CNTN4: variants seen among roughly 807,000 people sequenced by gnomAD.
CNTN4 encodes the protein contactin 4, also known as contactin-4.
A neutral mutation model predicts 122.5 loss-of-function variants in CNTN4; 77 were observed. The ratio of observed to expected loss-of-function variants is 0.63; its 90% confidence interval spans 0.52 to 0.76. The LOEUF (loss-of-function observed/expected upper bound fraction) is 0.76, where lower values mean the gene tolerates loss of function less well. Ranked by LOEUF, CNTN4 falls within the 30% of genes least tolerant of loss-of-function variation. The probability of loss-of-function intolerance (pLI) is 0.00; values close to 1 mark genes in which losing one functional copy is unlikely to be tolerated. For missense variants in CNTN4, 1,256 were observed against 1,259.1 expected (o/e 1.00, Z 0.04); for synonymous variants, 512 against 447.0 (o/e 1.15, Z -1.83).
In CNTN4 at chr3:2,879,218, G is replaced by T. The variant is rs569050628; in HGVS notation, c.653-3927G>T. ...CACACATACACAGAAAGAATGTCAC[G>T]TGACAACCGAGGCAGAGATGGACTG... On this transcript the variant is annotated intron_variant, in intron 8 of 24. Transcript: ENST00000418658. Among the ~76,000 whole-genome samples the T allele has an allele frequency of 3.9e-5, 6 of 152,236 alleles. No individual in the cohort carries two copies. In the South Asian group the frequency reaches 1.0e-3, roughly 26 times the overall value.
chr3:2,404,484 A>G lies in CNTN4; in HGVS notation c.-89+65251A>G, dbSNP rs189299873. On this transcript the variant is annotated intron_variant, in intron 3 of 24. Coordinates refer to ENST00000418658, the MANE Select transcript of CNTN4 (RefSeq NM_175607.3). Reference sequence around the variant, plus strand: ...CCTCTTCAAAGCCAGAAATGATGGTAGAGTTCTTCTCACATTCTCTCTGCT... The same window carrying G: ...CCTCTTCAAAGCCAGAAATGATGGTGGAGTTCTTCTCACATTCTCTCTGCT... Among the ~76,000 whole-genome samples, 406 of 152,242 alleles carry G rather than the reference A, an allele frequency of 2.7e-3. 4 individuals are homozygous for G. The highest frequency in any genetic ancestry group is 9.0e-3 in the African/African-American group (375 of 41,548).
chr3:2,538,115 A>G (rs1264199279), intron 3 of CNTN4, among the ~76,000 whole-genome samples: 3 of 152,104 alleles, frequency 2.0e-5, no homozygotes, highest in Non-Finnish European at 4.4e-5. Context: ...GTCCTTATAA[A>G]AGGGGGAAAT....
intron 2 of CNTN4, among the ~76,000 whole-genome samples, chr3:2,225,230 T>G (rs2149513185): frequency 6.6e-6 from 1 of 150,570 alleles, no homozygotes; most frequent in South Asian, 2.1e-4. Flanking sequence ...AAAACCCAGG[T>G]CCTGCCAGGC....
intron 2 of CNTN4, among the ~76,000 whole-genome samples, chr3:2,219,650 T>C (rs2038984570): frequency 6.6e-6 from 1 of 152,210 alleles, no homozygotes. Context: ...TAAAATATAA[T>C]AAAATAATGG....
intron 2 of CNTN4, among the ~76,000 whole-genome samples, chr3:2,266,279 T>C (rs781734070): frequency 2.0e-5 from 3 of 152,100 alleles, no homozygotes; most frequent in African/African-American, 4.8e-5. Context: ...ATGAGGGCTG[T>C]TGAATTTTAT....
intron 4 of CNTN4, among the ~76,000 whole-genome samples, chr3:2,664,403 C>A (rs78260134): frequency 0.055 from 7,960 of 145,378 alleles, 258 homozygotes; most frequent in African/African-American, 0.11. Context: ...GCATTTAGAT[C>A]ATCACCTATA....
intron 13 of CNTN4, among the ~76,000 whole-genome samples, chr3:2,932,603 G>A (rs1313305530): frequency 6.6e-6 from 1 of 152,034 alleles, no homozygotes; most frequent in South Asian, 2.1e-4. Context: ...AAAAGTGAGG[G>A]AGGCAAGTCT....
At chr3:2,507,732 C>G (rs1575798431) in intron 3 of CNTN4, among the ~76,000 whole-genome samples, 1 of 80,966 alleles carries the variant, frequency 1.2e-5, no homozygotes. Context: ...GAGACTTTGT[C>G]TCAAAAAAAA....
intron 5 of CNTN4, among the ~76,000 whole-genome samples, chr3:2,745,240 A>C (rs2089689357): frequency 6.6e-6 from 1 of 152,216 alleles, no homozygotes; most frequent in African/African-American, 2.4e-5. Context: ...GCCCGCCTTC[A>C]AAACAGTGAA....
At chr3:3,031,441 G>A (rs541567560) in intron 16 of CNTN4, among the ~76,000 whole-genome samples, 2 of 152,160 alleles carry the variant, frequency 1.3e-5, no homozygotes, top group Admixed American at 6.5e-5. Flanking sequence ...AGTGCTGTTC[G>A]GTTCCTAAAA....
At chr3:2,919,320 C>G (rs1254722497) in intron 12 of CNTN4, among the ~76,000 whole-genome samples, 15 of 149,588 alleles carry the variant, frequency 1.0e-4, no homozygotes, top group Admixed American at 9.3e-4. Flanking sequence ...CCACTGCACT[C>G]CAGCCTGGGT....
In CNTN4 at chr3:2,135,189, G is replaced by C. The variant is rs569161659; in HGVS notation, c.-145+34550G>C. 6.6e-5 allele frequency among the ~76,000 whole-genome samples: 10 copies of C among 152,232 alleles called. No homozygotes were observed. In the South Asian group the frequency reaches 1.7e-3, roughly 25 times the overall value. On this transcript the variant is annotated intron_variant, in intron 2 of 24. Coordinates refer to ENST00000418658, the MANE Select transcript of CNTN4 (RefSeq NM_175607.3). ...GAGAGCATTAGAGATGGCCTGTGTG[G>C]ACCTTGAGGAAGCCAGATGAGATAA...
intron 2 of CNTN4, among the ~76,000 whole-genome samples, chr3:2,289,406 G>A (rs377469608): frequency 6.6e-6 from 1 of 152,148 alleles, no homozygotes; most frequent in East Asian, 1.9e-4. Flanking sequence ...GTGAAATGGC[G>A]ATAATAATAG....
intron 2 of CNTN4, among the ~76,000 whole-genome samples, chr3:2,268,686 C>G (rs1233767993): frequency 6.6e-6 from 1 of 152,024 alleles, no homozygotes; most frequent in African/African-American, 2.4e-5. Flanking sequence ...ATTTATCTGT[C>G]AATCAAGAGA....
chr3:2,128,993 T>G (rs568456752), intron 2 of CNTN4, among the ~76,000 whole-genome samples: 1 of 152,294 alleles, frequency 6.6e-6, no homozygotes, highest in South Asian at 2.1e-4. Flanking sequence ...CAAAATATAC[T>G]TCATGGAACA....
intron 14 of CNTN4, chr3:3,008,937 A>T: frequency 3.0e-6 from 3 of 985,312 alleles, no homozygotes; most frequent in Non-Finnish European, 3.6e-6. Context: ...TTCCAAAAGA[A>T]GGGCGCCAAA....
intron 3 of CNTN4, among the ~76,000 whole-genome samples, chr3:2,465,452 G>A (rs997801829): frequency 3.9e-5 from 6 of 152,102 alleles, no homozygotes; most frequent in East Asian, 1.9e-4. Flanking sequence ...CGAGATAGAC[G>A]GATTGCCTGA....
intron 2 of CNTN4, among the ~76,000 whole-genome samples, chr3:2,326,762 C>T (rs541259166): frequency 4.7e-4 from 71 of 152,274 alleles, no homozygotes; most frequent in Non-Finnish European, 7.6e-4. Context: ...CTGTGAGCCC[C>T]TGGGCAATGA....
At chr3:2,797,490 C>G (rs897145689) in intron 6 of CNTN4, among the ~76,000 whole-genome samples, 14 of 152,112 alleles carry the variant, frequency 9.2e-5, no homozygotes. Context: ...CCCAGCTACT[C>G]AGGAGACTGA....
Sources: gnomAD v4.1 joint callset for allele counts (sites outside exome capture counted in the v4.1 genomes callset) on GRCh38, gnomAD v4.1.1 for gene constraint, MANE v1.5 for transcripts, NCBI Gene and HGNC (gene_info 2026-07-23, HGNC 2026-07-21) for gene names.